The following ACACB variants were observed in gnomAD, a reference collection of about 807,000 sequenced individuals.
ACACB encodes the protein acetyl-CoA carboxylase beta, also known as acetyl-CoA carboxylase 2.
Under a neutral mutation model 278.8 loss-of-function variants are expected in ACACB, and 209 were observed. The observed-to-expected ratio is 0.75, with a 90% CI of 0.67 to 0.84. The LOEUF (loss-of-function observed/expected upper bound fraction) is 0.84, where lower values mean the gene tolerates loss of function less well. Ranked by LOEUF, ACACB falls within the 40% of genes least tolerant of loss-of-function variation. The pLI is 0.00. For missense variants in ACACB, 2,850 were observed against 3,269.0 expected (o/e 0.87, Z 3.13); for synonymous variants, 1,174 against 1,285.6 (o/e 0.91, Z 1.86).
chr12:109,201,525 A>AGC (rs1284713829), intron 18 of ACACB, 42 bp from the exon 19 acceptor site: 1 of 1,606,366 alleles, frequency 6.2e-7, no homozygotes, highest in Non-Finnish European at 8.5e-7. Context: ...CTGGGTGTCA[A>AGC]TCCCGGTGGG....
intron 1 of ACACB, among the ~76,000 whole-genome samples, chr12:109,137,154 C>T (rs188018820): frequency 6.6e-6 from 1 of 152,032 alleles, no homozygotes; most frequent in Admixed American, 6.6e-5. Context: ...CATTGAGCCA[C>T]CCTTGACTGA....
chr12:109,266,631 A>C lies in ACACB; in HGVS notation c.*269A>C. 2 of 265,042 alleles carry C rather than the reference A, an allele frequency of 7.5e-6. No homozygotes were observed. Among genetic ancestry groups the C allele is most frequent in the African/African-American group, 2.2e-5 (1 of 45,162 alleles). 16.4% of individuals were successfully genotyped at this position (265,042 alleles called of 1,614,324 possible). Reference sequence around the variant, plus strand: ...CAGTTTTATTGCATCACTAAATCTAATCAAGCTAAAACATCCCTGTTTCCT... The same window carrying C: ...CAGTTTTATTGCATCACTAAATCTACTCAAGCTAAAACATCCCTGTTTCCT... On this transcript the variant is annotated 3_prime_UTR_variant, in exon 53 of 53. Coordinates refer to ENST00000338432, the MANE Select transcript of ACACB (RefSeq NM_001093.4).
In ACACB at chr12:109,265,530, G is replaced by C. The variant is rs897781415; in HGVS notation, c.7250+5G>C. The C allele has an allele frequency of 3.0e-5, 48 of 1,612,674 alleles. No individual in the cohort carries two copies. The highest frequency in any genetic ancestry group is 4.1e-5 in the Non-Finnish European group (48 of 1,179,544). The stretch of plus-strand genomic sequence containing the variant: ...TGTCCTCAAGACCATCCGAGGGTGA[G>C]TGGCCACCGCACCTGCTTCCCAGCC... On this transcript the variant is annotated splice_donor_5th_base_variant and intron_variant, in intron 52 of 52. Coordinates refer to ENST00000338432, the MANE Select transcript of ACACB (RefSeq NM_001093.4).
chr12:109,206,937 T>G, intron 20 of ACACB, 81 bp downstream of exon 20: 1 of 1,492,866 alleles, frequency 6.7e-7, no homozygotes, highest in Non-Finnish European at 9.2e-7. Flanking sequence ...AGGTCATTAT[T>G]GAGTAAGAAA....
At chr12:109,190,232 G>A (rs2044820107) in intron 13 of ACACB, among the ~76,000 whole-genome samples, 1 of 152,104 alleles carries the variant, frequency 6.6e-6, no homozygotes, top group Admixed American at 6.5e-5. Context: ...GGGACTATAG[G>A]CGCGTCCCAC....
At chr12:109,215,506 G>A (rs1012878335) in intron 22 of ACACB, among the ~76,000 whole-genome samples, 1 of 152,020 alleles carries the variant, frequency 6.6e-6, no homozygotes, top group Non-Finnish European at 1.5e-5. Context: ...GCTCATGCCT[G>A]TAATCCCAGC....
intron 2 of ACACB, among the ~76,000 whole-genome samples, chr12:109,146,913 A>T (rs1268808603): frequency 6.6e-6 from 1 of 152,086 alleles, no homozygotes; most frequent in Non-Finnish European, 1.5e-5. Context: ...GAGCTCAAGC[A>T]ATCTGCCCAC....
intron 2 of ACACB, among the ~76,000 whole-genome samples, chr12:109,163,646 C>CTTG (rs749899213): frequency 2.2e-3 from 333 of 152,072 alleles, no homozygotes; most frequent in Middle Eastern, 0.01. Flanking sequence ...GTATTTGTTT[C>CTTG]TTGTTGTTGT....
At chr12:109,258,928 T>G in intron 46 of ACACB, 45 bp from the exon 47 acceptor site, 1 of 1,608,344 alleles carries the variant, frequency 6.2e-7, no homozygotes, top group African/African-American at 1.3e-5. Flanking sequence ...TGTCCTGGGT[T>G]GTGGTTGTGC....
At chr12:109,162,303 A>G (rs969492825) in intron 2 of ACACB, among the ~76,000 whole-genome samples, 5 of 152,104 alleles carry the variant, frequency 3.3e-5, no homozygotes, top group Non-Finnish European at 5.9e-5. Context: ...TAGAAGCTAG[A>G]AAGCAGATGA....
In ACACB at chr12:109,166,905, A is replaced by G. The variant is rs2043925840; in HGVS notation, c.698A>G (p.His233Arg). Residue 233 changes from histidine to arginine, a missense_variant, in exon 3 of 53, where the codon CAC (histidine) becomes CGC (arginine). Around this residue, in one of 3 missense-constraint regions of ACACB, gnomAD observed 2,265 missense variants for 2,561.3 expected, o/e 0.88. Transcript: ENST00000338432. Reference sequence around the variant, plus strand: ...CACCTGGTGAAGAGGGGACGGGAACACAAGAAGCTGGACCTGCACAGAGAC... The same window carrying G: ...CACCTGGTGAAGAGGGGACGGGAACGCAAGAAGCTGGACCTGCACAGAGAC... ...GLHLVKRGRE[H>R]KKLDLHRDFT... 1 of 1,613,968 alleles carries G rather than the reference A, an allele frequency of 6.2e-7. No homozygotes were observed. Among genetic ancestry groups the G allele is most frequent in the Non-Finnish European group, 8.5e-7 (1 of 1,180,022 alleles).
chr12:109,162,826 C>T (rs2043774784), intron 2 of ACACB, among the ~76,000 whole-genome samples: 1 of 152,176 alleles, frequency 6.6e-6, no homozygotes, highest in African/African-American at 2.4e-5. Flanking sequence ...ACATTGAGCT[C>T]AGGGTCAACC....
At chr12:109,198,714 G>T (rs540668656) in intron 17 of ACACB, among the ~76,000 whole-genome samples, 2 of 151,994 alleles carry the variant, frequency 1.3e-5, no homozygotes, top group Non-Finnish European at 2.9e-5. Flanking sequence ...TCAAACTCCT[G>T]GGCTCAAAGG....
rs1459927338 is a variant in ACACB at position 109,241,268 on chromosome 12, C to G, written c.5009C>G (p.Ser1670Cys). 2 of 1,614,018 alleles carry G rather than the reference C, an allele frequency of 1.2e-6. No homozygotes were observed. Among genetic ancestry groups the G allele is most frequent in the African/African-American group, 2.7e-5 (2 of 74,936 alleles). The change falls in exon 36 of 53, where the codon TCC (serine) becomes TGC (cysteine). Residue 1670 changes from serine (S) to cysteine (C), a missense_variant. Ser to Cys is a moderately radical substitution (Grantham distance 112). This residue lies in a region of ACACB where 2,265 missense variants were observed against 2,561.3 expected (regional missense o/e 0.88). Transcript: ENST00000338432. Reference protein sequence around the residue: ...DISLYKEVTDSRSGNIMFHSF... With the variant: ...DISLYKEVTDCRSGNIMFHSF... ...AGCCTCTACAAAGAAGTGACTGACT[C>G]CAGATCTGGAAATGTAAGGCTGGCC...
chr12:109,226,683 G>A (rs1189943272), intron 27 of ACACB, among the ~76,000 whole-genome samples: 6 of 81,092 alleles, frequency 7.4e-5, no homozygotes, highest in Admixed American at 3.5e-4. Context: ...TGGGCAACAA[G>A]AACAAAACTC....
chr12:109,259,616 G>A (rs2047326286), intron 47 of ACACB, among the ~76,000 whole-genome samples: 1 of 151,884 alleles, frequency 6.6e-6, no homozygotes, highest in Admixed American at 6.6e-5. Flanking sequence ...GAGGGTTGGA[G>A]GCAAAGTGTC....
At chr12:109,260,760 G>A in intron 48 of ACACB, 103 bp downstream of exon 48, 1 of 1,181,214 alleles carries the variant, frequency 8.5e-7, no homozygotes, top group Non-Finnish European at 1.1e-6. Context: ...GCTGGAACCT[G>A]TAAGTGGTGG....
intron 16 of ACACB, among the ~76,000 whole-genome samples, chr12:109,194,210 T>G (rs2268395): frequency 0.45 from 67,984 of 150,838 alleles, 16,706 homozygotes; most frequent in Middle Eastern, 0.67. Flanking sequence ...TGTTGTTGTT[T>G]TTTCAAACGG....
chr12:109,118,710 G>A (rs927748873), intron 1 of ACACB, among the ~76,000 whole-genome samples: 14 of 152,188 alleles, frequency 9.2e-5, no homozygotes, highest in East Asian at 7.7e-4. Flanking sequence ...CACTGCACCC[G>A]GCCTGGAATA....
Sources: allele counts gnomAD v4.1 joint callset (sites outside exome capture counted in the v4.1 genomes callset), GRCh38; gene constraint gnomAD v4.1.1; regional missense constraint gnomAD v4.1.1; transcripts MANE v1.5; gene names NCBI Gene and HGNC (gene_info 2026-07-23, HGNC 2026-07-21).